MPPED1: variants seen among roughly 807,000 people sequenced by gnomAD.
MPPED1 encodes metallophosphoesterase domain-containing protein 1.
In MPPED1, 16 loss-of-function variants were observed where a neutral mutation model predicts 36.2. That is an observed-to-expected ratio of 0.44 (90% CI 0.30 to 0.67). The LOEUF (loss-of-function observed/expected upper bound fraction) is 0.67, where lower values mean the gene tolerates loss of function less well. Ranked by LOEUF, MPPED1 falls within the 30% of genes least tolerant of loss-of-function variation. The probability of loss-of-function intolerance (pLI) is 0.10; values close to 1 mark genes in which losing one functional copy is unlikely to be tolerated. For missense variants in MPPED1, 307 were observed against 453.4 expected (o/e 0.68, Z 2.93); for synonymous variants, 199 against 191.3 (o/e 1.04, Z -0.33).
chr22:43,450,946 G>A (rs568647939), intron 3 of MPPED1, among the ~76,000 whole-genome samples: 24 of 151,282 alleles, frequency 1.6e-4, no homozygotes, highest in African/African-American at 5.6e-4. Flanking sequence ...GGCTGGTCTC[G>A]AACTCCCAAC....
chr22:43,472,105 C>T (rs1931396726), intron 3 of MPPED1, among the ~76,000 whole-genome samples: 2 of 152,276 alleles, frequency 1.3e-5, no homozygotes, highest in East Asian at 1.9e-4. Context: ...TTCATCCTGT[C>T]CAAGGGGACA....
chr22:43,468,093 T>A (rs1272969682), intron 3 of MPPED1, among the ~76,000 whole-genome samples: 2 of 152,224 alleles, frequency 1.3e-5, no homozygotes, highest in Non-Finnish European at 2.9e-5. Context: ...AATACACGTA[T>A]GTGGCAAATG....
intron 3 of MPPED1, 136 bp downstream of exon 3, chr22:43,435,351 C>T (rs1244492323): frequency 1.1e-6 from 1 of 878,132 alleles, no homozygotes; most frequent in Non-Finnish European, 1.7e-6. Flanking sequence ...CCTGGTCACC[C>T]TCCCTGACCT....
intron 2 of MPPED1, among the ~76,000 whole-genome samples, chr22:43,434,459 T>TA (rs2146833426): frequency 6.6e-6 from 1 of 152,370 alleles, no homozygotes; most frequent in African/African-American, 2.4e-5. Context: ...CCACAGGCTT[T>TA]ACTCCATGCG....
chr22:43,455,840 T>G (rs905479758), intron 3 of MPPED1, among the ~76,000 whole-genome samples: 1 of 152,244 alleles, frequency 6.6e-6, no homozygotes, highest in Admixed American at 6.5e-5. Flanking sequence ...GATTATTGTG[T>G]TAATTTCCTG....
chr22:43,497,816 G>T (rs563494538), intron 4 of MPPED1, among the ~76,000 whole-genome samples: 12 of 149,758 alleles, frequency 8.0e-5, no homozygotes, highest in African/African-American at 3.0e-4. Flanking sequence ...GGATGGAGGG[G>T]CATCTTCCTG....
chr22:43,505,515 G>T lies in MPPED1; in HGVS notation c.880G>T (p.Asp294Tyr). ...HIHEGYGVMA[D>Y]GTTTYVNASV... is the part of the protein sequence containing the mutation. ...CTTTCCAGGGTATGGTGTCATGGCA[G>T]ATGGGACGACCACCTATGTGAATGC... is the stretch of plus-strand genomic sequence containing the variant. Residue 294 changes from aspartate (D) to tyrosine (Y), a missense_variant, in exon 7 of 7, where the codon GAT becomes TAT. Transcript: ENST00000443721. The T allele has an allele frequency of 6.2e-7, 1 of 1,610,624 alleles. No individual in the cohort carries two copies.
At chr22:43,498,176 C>T in intron 4 of MPPED1, 59 bp from the exon 5 acceptor site, 1 of 1,386,152 alleles carries the variant, frequency 7.2e-7, no homozygotes, top group Non-Finnish European at 9.8e-7. Context: ...CTCCGCATTC[C>T]CTCTGACCAC....
intron 4 of MPPED1, among the ~76,000 whole-genome samples, chr22:43,480,170 G>T (rs73167998): frequency 6.6e-6 from 1 of 152,134 alleles, no homozygotes; most frequent in South Asian, 2.1e-4. Flanking sequence ...TCTGAGGCCC[G>T]CTGTGGTTTG....
chr22:43,500,335 A>AT (rs1932676092), intron 5 of MPPED1, among the ~76,000 whole-genome samples: 1 of 27,000 alleles, frequency 3.7e-5, no homozygotes, highest in Non-Finnish European at 8.3e-5. Flanking sequence ...GTGGTGGTGG[A>AT]GGTGGTGGTG....
intron 1 of MPPED1, among the ~76,000 whole-genome samples, chr22:43,415,163 C>T (rs932212474): frequency 1.4e-5 from 2 of 141,514 alleles, no homozygotes; most frequent in Non-Finnish European, 3.0e-5. Flanking sequence ...GTGAGCATCC[C>T]TTCCAGACTG....
chr22:43,441,586 C>G (rs1930151011), intron 3 of MPPED1, among the ~76,000 whole-genome samples: 1 of 152,158 alleles, frequency 6.6e-6, no homozygotes. Context: ...CCTTAGCAGA[C>G]TCAGGCAGGG....
chr22:43,414,151 AC>A (rs1929000171), intron 1 of MPPED1, among the ~76,000 whole-genome samples: 3 of 152,244 alleles, frequency 2.0e-5, no homozygotes, highest in Admixed American at 6.5e-5. Flanking sequence ...GAATACACAG[AC>A]TGATGTAGGG....
chr22:43,445,580 A>C lies in MPPED1; in HGVS notation c.406+10365A>C, dbSNP rs562642947. ...TTCCTTTTTTTTTTTTTTTTTTTGC[A>C]GACAGGATCTCACTCTGTTGCCCAG... On this transcript the variant is annotated intron_variant, in intron 3 of 6. Transcript: ENST00000443721. Among the ~76,000 whole-genome samples, 790 of 90,350 alleles carry C rather than the reference A, an allele frequency of 8.7e-3. 3 individuals carry two copies. The highest frequency in any genetic ancestry group is 0.012 in the Non-Finnish European group (556 of 45,364). 59.3% of individuals were successfully genotyped at this position (90,350 alleles called of 152,430 possible). A position where few individuals can be genotyped will look rare whatever the true frequency, so the allele number is the denominator to read the frequency against.
chr22:43,480,355 C>T (rs940700326), intron 4 of MPPED1, among the ~76,000 whole-genome samples: 3 of 152,172 alleles, frequency 2.0e-5, no homozygotes, highest in South Asian at 4.1e-4. Flanking sequence ...AGTGCTTGCT[C>T]GCATGTTCTC....
At chr22:43,481,981 C>T (rs535758494) in intron 4 of MPPED1, among the ~76,000 whole-genome samples, 5 of 152,292 alleles carry the variant, frequency 3.3e-5, no homozygotes, top group East Asian at 1.9e-4. Flanking sequence ...CCCAGGGCGC[C>T]GTGACGTTCC....
Position 43,502,972 on chromosome 22 carries a change from G to T in MPPED1, c.862+215G>T, listed in dbSNP as rs149817799. On this transcript the variant is annotated intron_variant, in intron 6 of 6. Coordinates refer to ENST00000443721, the MANE Select transcript of MPPED1 (RefSeq NM_001044370.2). The surrounding 1 kb of genome is among the most constrained non-coding windows in gnomAD (Gnocchi z 5.5). ...TGATCACAACATCCTGCATGACTTA[G>T]GGGGTAAATTTTGCTTCCGGGGAGC... Among the ~76,000 whole-genome samples, 841 of 152,292 alleles carry T rather than the reference G, an allele frequency of 5.5e-3. 12 individuals carry two copies. The highest frequency in any genetic ancestry group is 0.019 in the African/African-American group (800 of 41,564).
In MPPED1 at chr22:43,495,915, TAGTGGTGGTGGA is replaced by T. The variant is rs1932311824; in HGVS notation, c.633-2319_633-2308del. On this transcript the variant is annotated intron_variant, in intron 4 of 6. Transcript: ENST00000443721. ...GTGGTGGAGATGGTGGTGGTGGAGG[TAGTGGTGGTGGA>T]GGTGATGGTGGAGGTAGTGGTGGTG... Among the ~76,000 whole-genome samples, 2 of 108,558 alleles carry T rather than the reference TAGTGGTGGTGGA, an allele frequency of 1.8e-5. 1 individual carries two copies. Among genetic ancestry groups the T allele is most frequent in the Non-Finnish European group, 4.4e-5 (2 of 45,104 alleles). The allele number at this position is 108,558 out of a possible 152,430, so 71.2% of individuals were successfully genotyped here.
intron 4 of MPPED1, among the ~76,000 whole-genome samples, chr22:43,491,925 C>T (rs1476518632): frequency 1.3e-5 from 1 of 79,884 alleles, no homozygotes; most frequent in African/African-American, 5.2e-5. Flanking sequence ...AATGGAGGTG[C>T]TGGTGGTGGT....
Sources: allele counts gnomAD v4.1 joint callset (sites outside exome capture counted in the v4.1 genomes callset), GRCh38; gene constraint gnomAD v4.1.1; non-coding constraint Gnocchi (gnomAD v3.1); transcripts MANE v1.5; gene names NCBI Gene and HGNC (gene_info 2026-07-23, HGNC 2026-07-21).